Variants in CPSF7 observed in about 807,000 individuals in gnomAD.
CPSF7 encodes cleavage and polyadenylation specificity factor subunit 7.
A neutral mutation model predicts 44.3 loss-of-function variants in CPSF7; 1 was observed. The ratio of observed to expected loss-of-function variants is 0.02; its 90% CI spans 0.01 to 0.11. CPSF7 has a LOEUF of 0.11. Ranked by LOEUF, CPSF7 falls within the 10% of genes least tolerant of loss-of-function variation. CPSF7 has a pLI of 1.00. For synonymous variants in CPSF7, 202 were observed against 222.0 expected, an observed-to-expected ratio of 0.91 and a Z score of 0.80; for missense variants, 443 against 607.2, an observed-to-expected ratio of 0.73 and a Z score of 2.84.
chr11:61,429,471 G>T (rs1007008693), intron 1 of CPSF7, 181 bp from the exon 2 acceptor site: 1 of 509,076 alleles, frequency 2.0e-6, no homozygotes, highest in Non-Finnish European at 3.4e-6. Context: ...GCCGCCGGGG[G>T]TCGCTGCCCA....
chr11:61,420,124 A>C, intron 4 of CPSF7, 30 bp from the exon 5 acceptor site: 1 of 1,551,472 alleles, frequency 6.4e-7, no homozygotes, highest in Non-Finnish European at 8.8e-7. Context: ...AAATGAATGA[A>C]ATCTGTAGAC....
chr11:61,403,046 G>A lies in CPSF7; in HGVS notation c.*1664C>T, dbSNP rs904857998. 6.6e-6 allele frequency: 1 copy of A among 152,330 alleles called. No homozygotes were observed. The highest frequency in any genetic ancestry group is 1.5e-5 in the Non-Finnish European group (1 of 68,026). The allele number at this position is 152,330 out of a possible 1,614,324, so 9.4% of individuals were successfully genotyped here. A position where few individuals can be genotyped will look rare whatever the true frequency, so the allele number is the denominator to read the frequency against. On this transcript the variant is annotated 3_prime_UTR_variant, in exon 10 of 10. Transcript: ENST00000439958. Reference sequence around the variant, plus strand: ...CACTTAACACTTGGCCAGTTGGGTGGGGTGCCATGTTCTGAAGTGGAGGTG... The same window carrying A: ...CACTTAACACTTGGCCAGTTGGGTGAGGTGCCATGTTCTGAAGTGGAGGTG...
chr11:61,429,418 C>A, intron 1 of CPSF7, 128 bp from the exon 2 acceptor site: 1 of 587,586 alleles, frequency 1.7e-6, no homozygotes, highest in Non-Finnish European at 2.9e-6. Flanking sequence ...GCCCCACCCG[C>A]TCCGCCCCGC....
In CPSF7 at chr11:61,416,353, T is replaced by C. The variant is rs369162186; in HGVS notation, c.690A>G (p.Pro230=). ...GAGGTGGTGGGGGTGGAATTGGTGG[T>C]GGGGGCAGACCCATCAGGGGAAGGG... ...PSALPLMGLP[P]PPIPPPPPLS... Residue 230 remains proline (P), a synonymous_variant, in exon 6 of 10, where the codon CCA becomes CCG. Coordinates refer to ENST00000439958, the MANE Select transcript of CPSF7 (RefSeq NM_001142565.3). The C allele has an allele frequency of 7.2e-5, 112 of 1,548,422 alleles. No individual in the cohort carries two copies. Among genetic ancestry groups the C allele is most frequent in the South Asian group, 9.2e-5 (8 of 87,198 alleles).
chr11:61,418,741 CAG>C (rs1218201287), intron 5 of CPSF7, among the ~76,000 whole-genome samples: 1 of 150,256 alleles, frequency 6.7e-6, no homozygotes, highest in South Asian at 2.1e-4. Flanking sequence ...TTTTTTGAGA[CAG>C]AGTCTCACTC....
In CPSF7 at chr11:61,411,205, C is replaced by T. The variant is rs1046813160; in HGVS notation, c.1227-100G>A. On this transcript the variant is annotated intron_variant, in intron 8 of 9. Coordinates refer to ENST00000439958, the MANE Select transcript of CPSF7 (RefSeq NM_001142565.3). Reference sequence around the variant, plus strand: ...TCTGATATTTGCCTAAACTATTCCTCTATTACTCTATCATGGGCCTGCTGT... The same window carrying T: ...TCTGATATTTGCCTAAACTATTCCTTTATTACTCTATCATGGGCCTGCTGT... 2.5e-6 allele frequency: 3 copies of T among 1,209,942 alleles called. No individual in the cohort carries two copies. The Admixed American group carries it at 7.7e-5, about 31-fold the overall frequency. The allele number at this position is 1,209,942 out of a possible 1,614,324, so 75.0% of individuals were successfully genotyped here.
Position 61,405,982 on chromosome 11 carries a change from A to G in CPSF7, c.*6-1278T>C, listed in dbSNP as rs566991620. The stretch of plus-strand genomic sequence containing the variant: ...TCGATCCAAATTGAAGAGAAAGCTC[A>G]GTTTTCAATGGATAACGAGGACAGG... On this transcript the variant is annotated intron_variant, in intron 9 of 9. Transcript: ENST00000439958. 3 of 152,344 alleles carry G rather than the reference A, an allele frequency of 2.0e-5. No individual in the cohort carries two copies. The East Asian group carries it at 5.8e-4, about 29-fold the overall frequency. The allele number at this position is 152,344 out of a possible 1,614,324, so 9.4% of individuals were successfully genotyped here.
chr11:61,429,149 A>G (rs767049822), intron 2 of CPSF7, 33 bp downstream of exon 2: 9 of 1,288,248 alleles, frequency 7.0e-6, no homozygotes, highest in Non-Finnish European at 1.0e-5. Context: ...CAGATGATCA[A>G]GGAAAATCCC....
intron 9 of CPSF7, among the ~76,000 whole-genome samples, chr11:61,405,460 G>A (rs1859228706): frequency 6.6e-6 from 1 of 152,154 alleles, no homozygotes; most frequent in Admixed American, 6.5e-5. Flanking sequence ...AGAAAGCAGA[G>A]CATGGAAGAA....
At chr11:61,420,444 A>AG in intron 4 of CPSF7, 26 bp downstream of exon 4, 1 of 1,560,966 alleles carries the variant, frequency 6.4e-7, no homozygotes, top group East Asian at 2.2e-5. Context: ...ACAAATTAAA[A>AG]GGGGCTTCTC....
intron 3 of CPSF7, 29 bp from the exon 4 acceptor site, chr11:61,420,602 G>A: frequency 6.4e-7 from 1 of 1,567,114 alleles, no homozygotes; most frequent in Non-Finnish European, 8.8e-7. Flanking sequence ...AAAAGGAAGA[G>A]ATGTCAAGAG....
chr11:61,429,790 G>T (rs1861786046), intron 1 of CPSF7, 124 bp downstream of exon 1: 1 of 1,547,292 alleles, frequency 6.5e-7, no homozygotes, highest in Non-Finnish European at 8.7e-7. Context: ...TCCCTCAAAA[G>T]GCCCGCGACT....
At chr11:61,429,840 C>A (rs1251524742) in intron 1 of CPSF7, 74 bp downstream of exon 1, 9 of 1,546,236 alleles carry the variant, frequency 5.8e-6, no homozygotes, top group Non-Finnish European at 7.9e-6. Context: ...TCTCAACCGA[C>A]CCCCTTCCCG....
At chr11:61,424,262 G>A (rs945646029) in intron 2 of CPSF7, among the ~76,000 whole-genome samples, 1 of 152,214 alleles carries the variant, frequency 6.6e-6, no homozygotes, top group African/African-American at 2.4e-5. Flanking sequence ...CATTTTGTGT[G>A]TAAGTAATCA....
At chr11:61,429,069 G>A (rs1861671218) in intron 2 of CPSF7, 113 bp downstream of exon 2, 2 of 638,244 alleles carry the variant, frequency 3.1e-6, no homozygotes, top group Non-Finnish European at 5.7e-6. Context: ...TTTTAGACCG[G>A]ATAGACGCGT....
At chr11:61,405,153 T>G (rs2135224243) in intron 9 of CPSF7, among the ~76,000 whole-genome samples, 1 of 151,912 alleles carries the variant, frequency 6.6e-6, no homozygotes, top group African/African-American at 2.4e-5. Flanking sequence ...AAATGGGAGG[T>G]TTAGTGGTAA....
At chr11:61,426,286 G>C (rs1267856884) in intron 2 of CPSF7, among the ~76,000 whole-genome samples, 2 of 152,352 alleles carry the variant, frequency 1.3e-5, no homozygotes, top group East Asian at 3.9e-4. Context: ...GGTGCCTTCA[G>C]ACTAAGCCAG....
At chr11:61,415,314 T>C (rs1019590865) in intron 7 of CPSF7, among the ~76,000 whole-genome samples, 9 of 152,168 alleles carry the variant, frequency 5.9e-5, no homozygotes, top group African/African-American at 1.9e-4. Context: ...ATATCTGGTA[T>C]TGGGTCTACT....
intron 9 of CPSF7, among the ~76,000 whole-genome samples, chr11:61,407,776 C>T (rs1198623962): frequency 6.6e-6 from 1 of 152,150 alleles, no homozygotes; most frequent in Non-Finnish European, 1.5e-5. Flanking sequence ...TCTATTTAAG[C>T]TAATGGCCAA....
Sources: allele counts gnomAD v4.1 joint callset (sites outside exome capture counted in the v4.1 genomes callset), GRCh38; gene constraint gnomAD v4.1.1; transcripts MANE v1.5; gene names NCBI Gene and HGNC (gene_info 2026-07-23, HGNC 2026-07-21).